GAS6: variants seen among roughly 807,000 people sequenced by gnomAD.
GAS6 encodes growth arrest specific 6, also known as growth arrest-specific protein 6.
A neutral mutation model predicts 75.8 loss-of-function variants in GAS6; 41 were observed. The ratio of observed to expected loss-of-function variants is 0.54; its 90% CI spans 0.42 to 0.70. The LOEUF is 0.70. GAS6 is among the 30% of genes least tolerant of loss of function. The pLI is 0.00. For missense variants in GAS6, 854 were observed against 940.2 expected (o/e 0.91, Z 1.20); for synonymous variants, 432 against 412.6 (o/e 1.05, Z -0.57).
intron 4 of GAS6, chr13:113,842,394 G>A (rs372155673): frequency 2.3e-5 from 9 of 393,026 alleles, no homozygotes; most frequent in East Asian, 3.6e-5. Context: ...GCTGGCCTTC[G>A]GAGTTACGAG....
intron 2 of GAS6, among the ~76,000 whole-genome samples, chr13:113,853,231 G>T (rs892555357): frequency 5.3e-5 from 8 of 152,208 alleles, no homozygotes; most frequent in African/African-American, 1.9e-4. Flanking sequence ...CAGTTTGGAA[G>T]GTTCCAGAAC....
chr13:113,821,430 C>T lies in GAS6; in HGVS notation c.1883-412G>A, dbSNP rs960448861. 8.9e-5 allele frequency: 21 copies of T among 236,294 alleles called. No individual in the cohort carries two copies. In the East Asian group the frequency reaches 1.6e-3, roughly 18 times the overall value. 14.6% of individuals were successfully genotyped at this position (236,294 alleles called of 1,614,324 possible). A position where few individuals can be genotyped will look rare whatever the true frequency, so the allele number is the denominator to read the frequency against. On this transcript the variant is annotated intron_variant, in intron 14 of 14. Coordinates refer to ENST00000327773, the MANE Select transcript of GAS6 (RefSeq NM_000820.4). ...GCCGTTTGCCGCAAGTGAAAACCTGCGGGCAGCCGAGGACTTGCCGGCTCC... is the reference window on the plus strand; with the variant it reads ...GCCGTTTGCCGCAAGTGAAAACCTGTGGGCAGCCGAGGACTTGCCGGCTCC...
At chr13:113,824,472 A>T (rs920868680) in intron 12 of GAS6, among the ~76,000 whole-genome samples, 3 of 152,108 alleles carry the variant, frequency 2.0e-5, no homozygotes, top group African/African-American at 7.2e-5. Context: ...GGAGAATGCC[A>T]CGGCATATCC....
In GAS6 at chr13:113,832,703, A is replaced by G. The variant is rs1455469004; in HGVS notation, c.884T>C (p.Leu295Ser). 1.9e-6 allele frequency: 3 copies of G among 1,612,742 alleles called. No homozygotes were observed. The highest frequency in any genetic ancestry group is 1.7e-5 in the Admixed American group (1 of 60,022). ...CCCACTGAACATCCGGCCCAGGTAC[A>G]AGGACTTCACACTCTTGGCCACGCT... is the stretch of plus-strand genomic sequence containing the variant. ...PFSVAKSVKS[L>S]YLGRMFSGTP... Residue 295 changes from leucine (L) to serine (S), a missense_variant, in exon 9 of 15, where the codon TTG becomes TCG. Coordinates refer to ENST00000327773, the MANE Select transcript of GAS6 (RefSeq NM_000820.4).
At chr13:113,852,989 G>A (rs550009013) in intron 2 of GAS6, among the ~76,000 whole-genome samples, 34 of 152,310 alleles carry the variant, frequency 2.2e-4, no homozygotes, top group Non-Finnish European at 4.1e-4. Flanking sequence ...CAAGGGGCCG[G>A]GGGGACTCTT....
In GAS6 at chr13:113,863,553, A is replaced by T. The variant is rs1487616721; in HGVS notation, c.255+22T>A. On this transcript the variant is annotated intron_variant, in intron 2 of 14. Coordinates refer to ENST00000327773, the MANE Select transcript of GAS6 (RefSeq NM_000820.4). This position sits in a 1 kb window ranked among gnomAD's most constrained non-coding sequence, Gnocchi z 9.4. ...GCGCGGGCGCCAGGGGTTCCCCCGC[A>T]TCCCGCCCGCCGGCTGCTCACCGTC... 3.3e-6 allele frequency: 5 copies of T among 1,496,362 alleles called. No homozygotes were observed. Among genetic ancestry groups the T allele is most frequent in the Non-Finnish European group, 4.4e-6 (5 of 1,128,480 alleles). 92.7% of individuals were successfully genotyped at this position (1,496,362 alleles called of 1,614,324 possible). A position where few individuals can be genotyped will look rare whatever the true frequency, so the allele number is the denominator to read the frequency against.
chr13:113,838,278 A>G, intron 5 of GAS6, 87 bp from the exon 6 acceptor site: 4 of 1,542,166 alleles, frequency 2.6e-6, no homozygotes, highest in Non-Finnish European at 3.5e-6. Flanking sequence ...TGCACAGCCC[A>G]GCCCTGGAGC....
At chr13:113,832,161 G>C in intron 10 of GAS6, 138 bp downstream of exon 10, 1 of 1,002,546 alleles carries the variant, frequency 1.0e-6, no homozygotes, top group Non-Finnish European at 1.4e-6. Context: ...AAACGGGGCA[G>C]GGGTCCCCGT....
At chr13:113,857,984 C>T (rs909853938) in intron 2 of GAS6, among the ~76,000 whole-genome samples, 2 of 152,272 alleles carry the variant, frequency 1.3e-5, no homozygotes, top group African/African-American at 4.8e-5. Flanking sequence ...GGCCGGGGTC[C>T]ACCTGCAGGC....
rs2051824663 is a variant in GAS6 at position 113,845,214 on chromosome 13, T to C, written c.343+1313A>G. 6.6e-6 allele frequency: 1 copy of C among 150,398 alleles called. No individual in the cohort carries two copies. Among genetic ancestry groups the C allele is most frequent in the South Asian group, 2.1e-4 (1 of 4,830 alleles). 9.3% of individuals were successfully genotyped at this position (150,398 alleles called of 1,614,324 possible). On this transcript the variant is annotated intron_variant, in intron 4 of 14. Coordinates refer to ENST00000327773, the MANE Select transcript of GAS6 (RefSeq NM_000820.4). The surrounding 1 kb of genome is among the most constrained non-coding windows in gnomAD (Gnocchi z 4.3). ...ACTGAGCATTTCCTCTGCCTGTGTC[T>C]CTTGGGCTGGGGTCTGTGATACAAG...
At chr13:113,823,607 G>A in intron 12 of GAS6, 57 bp from the exon 13 acceptor site, 1 of 1,523,636 alleles carries the variant, frequency 6.6e-7, no homozygotes, top group South Asian at 1.2e-5. Flanking sequence ...GCCACAGTGA[G>A]GTCGGAGCAG....
In GAS6 at chr13:113,832,436, AGAG is replaced by A; in HGVS notation, c.1003_1005del (p.Leu335del). 6.2e-7 allele frequency: 1 copy of A among 1,609,528 alleles called. No homozygotes were observed. The highest frequency in any genetic ancestry group is 8.5e-7 in the Non-Finnish European group (1 of 1,177,502). ...GTGCTGTCCTGGTGGCCTCCGGCAAAGAGGAGGATGCCCTCGGGGTCAAAGGTC... is the reference window on the plus strand; with the variant it reads ...GTGCTGTCCTGGTGGCCTCCGGCAAAGAGGATGCCCTCGGGGTCAAAGGTC... On this transcript the variant is annotated inframe_deletion, in exon 10 of 15. Transcript: ENST00000327773.
intron 2 of GAS6, among the ~76,000 whole-genome samples, chr13:113,858,723 G>A (rs1291975085): frequency 2.0e-5 from 3 of 152,040 alleles, no homozygotes; most frequent in Admixed American, 2.0e-4. Context: ...CTATGTGAAT[G>A]TGTGCATGTA....
chr13:113,824,322 G>A (rs113397245), intron 12 of GAS6, among the ~76,000 whole-genome samples: 2 of 138,216 alleles, frequency 1.4e-5, no homozygotes, highest in African/African-American at 3.0e-5. Flanking sequence ...AGGAGCACCC[G>A]CGGTCTGGGG....
intron 2 of GAS6, among the ~76,000 whole-genome samples, chr13:113,856,745 C>T (rs1408688550): frequency 2.0e-5 from 3 of 152,232 alleles, no homozygotes; most frequent in East Asian, 1.9e-4. Flanking sequence ...AGTCCAGACA[C>T]ACCCAAAGCC....
chr13:113,840,019 G>T, intron 4 of GAS6, 169 bp from the exon 5 acceptor site: 1 of 931,684 alleles, frequency 1.1e-6, no homozygotes, highest in Non-Finnish European at 1.6e-6. Context: ...CTGGCCTAGG[G>T]CTGACAGAAT....
At position 113,823,397 on chromosome 13, in the gene GAS6, G is replaced by C. The variant is rs758520989; in HGVS notation, c.1631C>G (p.Ser544Cys). The change falls in exon 13 of 15, where the codon TCC becomes TGC. Residue 544 changes from serine (S) to cysteine (C), a missense_variant. Transcript: ENST00000327773. ...TACCTGCTTCTTGAGTTTCTTCGTG[G>C]AGTGATAGTCTACCAGTGCCACAGA... ...PLSVALVDYH[S>C]TKKLKKQLVV... is the part of the protein sequence containing the mutation. 6.2e-7 allele frequency: 1 copy of C among 1,611,756 alleles called. No individual in the cohort carries two copies. Among genetic ancestry groups the C allele is most frequent in the Non-Finnish European group, 8.5e-7 (1 of 1,179,356 alleles).
intron 8 of GAS6, chr13:113,833,217 G>C: frequency 9.2e-7 from 1 of 1,091,622 alleles, no homozygotes; most frequent in Non-Finnish European, 1.1e-6. Flanking sequence ...GGAAGATGGA[G>C]GGGCTGGGGC....
intron 2 of GAS6, among the ~76,000 whole-genome samples, chr13:113,857,776 T>G (rs1265661953): frequency 1.3e-5 from 2 of 152,380 alleles, no homozygotes; most frequent in East Asian, 3.9e-4. Context: ...AATTAGAGTT[T>G]TCCACAGATG....
Sources: gnomAD v4.1 joint callset for allele counts (sites outside exome capture counted in the v4.1 genomes callset) on GRCh38, gnomAD v4.1.1 for gene constraint, Gnocchi (gnomAD v3.1) non-coding constraint, MANE v1.5 for transcripts, NCBI Gene and HGNC (gene_info 2026-07-23, HGNC 2026-07-21) for gene names.